ASH2L: variants seen among roughly 807,000 people sequenced by gnomAD.
ASH2L encodes ASH2 like, histone lysine methyltransferase complex subunit.
Under a neutral mutation model 81.1 loss-of-function variants are expected in ASH2L, and 30 were observed. The observed-to-expected ratio is 0.37, with a 90% CI of 0.28 to 0.50. The LOEUF (loss-of-function observed/expected upper bound fraction) is 0.50, where lower values mean the gene tolerates loss of function less well. Among genes scored for constraint, ASH2L ranks in the 20% least tolerant of loss-of-function variants. The pLI, the probability that ASH2L is intolerant of heterozygous loss-of-function variation, is 0.95. For synonymous variants in ASH2L, 273 were observed against 279.9 expected (o/e 0.98, Z 0.24); for missense variants, 559 against 792.1 (o/e 0.71, Z 3.53).
chr8:38,134,126 T>C (rs916408071), intron 13 of ASH2L, among the ~76,000 whole-genome samples: 2 of 152,104 alleles, frequency 1.3e-5, no homozygotes, highest in South Asian at 2.1e-4. Context: ...GAAGGCAGCA[T>C]GCTCGTTAAG....
rs1218806442 is a variant in ASH2L, at chr8:38,134,672, A to G, written c.1621-996A>G. Among the ~76,000 whole-genome samples, 7 of 152,352 alleles carry G rather than the reference A, an allele frequency of 4.6e-5. No homozygotes were observed. The East Asian group carries it at 1.4e-3, about 29-fold the overall frequency. On this transcript the variant is annotated intron_variant, in intron 13 of 15. Coordinates refer to ENST00000343823, the MANE Select transcript of ASH2L (RefSeq NM_004674.5). ...AAGCTGGAAACATTTTTTTCATAAA[A>G]ATGCTAATGCTGTGAGGCCACCCAG...
At chr8:38,127,421 A>G (rs1363733921) in intron 10 of ASH2L, among the ~76,000 whole-genome samples, 1 of 152,124 alleles carries the variant, frequency 6.6e-6, no homozygotes, top group Non-Finnish European at 1.5e-5. Flanking sequence ...GGGAATATGC[A>G]ATATAATTAA....
chr8:38,133,571 A>T lies in ASH2L; in HGVS notation c.1620+25A>T, dbSNP rs767279855. 2.6e-5 allele frequency: 39 copies of T among 1,527,258 alleles called. No individual in the cohort carries two copies. In the South Asian group the frequency reaches 4.5e-4, roughly 18 times the overall value. 94.6% of individuals were successfully genotyped at this position (1,527,258 alleles called of 1,614,324 possible). A position where few individuals can be genotyped will look rare whatever the true frequency, so the allele number is the denominator to read the frequency against. On this transcript the variant is annotated intron_variant, in intron 13 of 15. Transcript: ENST00000343823. ...GGTGAGTCATGGCCATAAGAACATT[A>T]GAATCATAAGGCCTTGAGCGTTAGG... is the stretch of plus-strand genomic sequence containing the variant.
At chr8:38,114,690 G>A in intron 6 of ASH2L, 1 of 521,434 alleles carries the variant, frequency 1.9e-6, no homozygotes, top group South Asian at 2.9e-5. Context: ...GAAATAGAAG[G>A]ATAGGTGAGG....
At chr8:38,106,915 G>A (rs776909484) in intron 2 of ASH2L, 106 bp from the exon 3 acceptor site, 23 of 1,401,142 alleles carry the variant, frequency 1.6e-5, no homozygotes, top group Non-Finnish European at 2.2e-5. Context: ...AGGATCACTT[G>A]AGACCAGCCT....
intron 10 of ASH2L, among the ~76,000 whole-genome samples, chr8:38,122,121 G>A (rs1222899900): frequency 6.6e-6 from 1 of 152,040 alleles, no homozygotes; most frequent in African/African-American, 2.4e-5. Context: ...CTTTATTTCA[G>A]GGAGTATAAT....
chr8:38,131,224 C>T (rs1802047908), intron 12 of ASH2L, among the ~76,000 whole-genome samples: 2 of 152,094 alleles, frequency 1.3e-5, no homozygotes, highest in African/African-American at 2.4e-5. Context: ...TCCTGCCTCC[C>T]GGAACTCTTT....
Position 38,120,929 on chromosome 8 carries a change from C to T in ASH2L, c.948-3C>T. 1 of 1,612,398 alleles carries T rather than the reference C, an allele frequency of 6.2e-7. No homozygotes were observed. Among genetic ancestry groups the T allele is most frequent in the Non-Finnish European group, 8.5e-7 (1 of 1,179,238 alleles). On this transcript the variant is annotated splice_region_variant and splice_polypyrimidine_tract_variant and intron_variant, in intron 9 of 15. Transcript: ENST00000343823. ...TTTTGATGTTATTTTTTCCTTTCTG[C>T]AGTGACCCTTTGTTTTCTGCTCAGC...
chr8:38,132,268 G>A (rs930984854), intron 12 of ASH2L, among the ~76,000 whole-genome samples: 1 of 152,200 alleles, frequency 6.6e-6, no homozygotes, highest in African/African-American at 2.4e-5. Context: ...TAGAAAGAGA[G>A]ACTCTCGTTT....
intron 14 of ASH2L, 115 bp from the exon 15 acceptor site, chr8:38,138,701 T>A (rs1441176821): frequency 4.9e-6 from 4 of 811,660 alleles, no homozygotes; most frequent in Non-Finnish European, 8.2e-6. Flanking sequence ...ATTTGTTCCA[T>A]TTATCCCCCG....
At chr8:38,133,206 T>G (rs574695446) in intron 12 of ASH2L, among the ~76,000 whole-genome samples, 1 of 152,274 alleles carries the variant, frequency 6.6e-6, no homozygotes, top group Admixed American at 6.5e-5. Context: ...GTGGTAAGCA[T>G]GTATGTATTA....
Position 38,114,291 on chromosome 8 carries a change from A to G in ASH2L, c.681+4A>G. The G allele has an allele frequency of 6.4e-7, 1 of 1,566,620 alleles. No homozygotes were observed. The highest frequency in any genetic ancestry group is 8.7e-7 in the Non-Finnish European group (1 of 1,148,420). On this transcript the variant is annotated splice_donor_region_variant and intron_variant, in intron 6 of 15. Coordinates refer to ENST00000343823, the MANE Select transcript of ASH2L (RefSeq NM_004674.5). ...AAATAACATTGTTAAAACAATGGTA[A>G]GTAGATTAAAATTGATTAGACTTGA... is the stretch of plus-strand genomic sequence containing the variant.
rs775357065 is a variant in ASH2L, at chr8:38,119,295, A to G, written c.879A>G (p.Gly293=). The G allele has an allele frequency of 6.5e-7, 1 of 1,549,856 alleles. No individual in the cohort carries two copies. The highest frequency in any genetic ancestry group is 1.2e-5 in the South Asian group (1 of 83,810). The change falls in exon 9 of 16, where the codon GGA becomes GGG. Residue 293 remains glycine (G), a synonymous_variant. Transcript: ENST00000343823. The part of the protein sequence containing the change: ...LNGGIAAGSS[G]KGRGAKRKQQ... ...GGGGAATTGCAGCAGGAAGCAGCGGAAAAGGACGAGGAGCCAAGCGCAAAC... is the reference window on the plus strand; with the variant it reads ...GGGGAATTGCAGCAGGAAGCAGCGGGAAAGGACGAGGAGCCAAGCGCAAAC...
chr8:38,129,669 A>G (rs1197304650), intron 12 of ASH2L, among the ~76,000 whole-genome samples: 4 of 152,184 alleles, frequency 2.6e-5, no homozygotes, highest in Admixed American at 2.6e-4. Context: ...CATAGAGGCA[A>G]CCACTGTTTT....
At chr8:38,138,296 A>T (rs1298170807) in intron 14 of ASH2L, 4 of 153,814 alleles carry the variant, frequency 2.6e-5, no homozygotes, top group African/African-American at 9.7e-5. Flanking sequence ...AATAAAAAGT[A>T]AAATAAAGGG....
rs539977087 is a variant in ASH2L at position 38,114,469 on chromosome 8, A to G, written c.681+182A>G. Among the ~76,000 whole-genome samples, 3 of 152,318 alleles carry G rather than the reference A, an allele frequency of 2.0e-5. No homozygotes were observed. The East Asian group carries it at 5.8e-4, about 29-fold the overall frequency. ...TTCACACACAGAATCAGTGAGATGC[A>G]TATTGTCTTATATGAACATTGCCCG... On this transcript the variant is annotated intron_variant, in intron 6 of 15. Coordinates refer to ENST00000343823, the MANE Select transcript of ASH2L (RefSeq NM_004674.5).
chr8:38,118,634 C>G (rs1811005396), intron 8 of ASH2L, among the ~76,000 whole-genome samples: 2 of 152,148 alleles, frequency 1.3e-5, no homozygotes, highest in African/African-American at 2.4e-5. Context: ...AAATCGAAAG[C>G]CTTCTTTCTT....
chr8:38,106,287 GT>G, intron 1 of ASH2L, 90 bp from the exon 2 acceptor site: 2 of 1,392,434 alleles, frequency 1.4e-6, no homozygotes, highest in Non-Finnish European at 2.0e-6. Context: ...GGAGTATGAA[GT>G]TCGGCTGTAA....
rs140501294 is a variant in ASH2L, at chr8:38,135,765, C to T, written c.1718C>T (p.Thr573Met). The T allele has an allele frequency of 2.8e-5, 45 of 1,605,594 alleles. No homozygotes were observed. Among genetic ancestry groups the T allele is most frequent in the Non-Finnish European group, 3.3e-5 (39 of 1,175,864 alleles). The change falls in exon 14 of 16, where the codon ACG becomes ATG. Residue 573 changes from threonine to methionine, a missense_variant and splice_region_variant. Around this residue, in one of 4 missense-constraint regions of ASH2L, gnomAD observed 95 missense variants for 130.7 expected, o/e 0.73. Transcript: ENST00000343823. ...GCCATCTCACTGTACAAGAGCTGCA[C>T]GGTACGTACATGTTTCCATCCCATG... ...FPAISLYKSC[T>M]VSINFGPCFK...
Sources: allele counts gnomAD v4.1 joint callset (sites outside exome capture counted in the v4.1 genomes callset), GRCh38; gene constraint gnomAD v4.1.1; regional missense constraint gnomAD v4.1.1; transcripts MANE v1.5; gene names NCBI Gene and HGNC (gene_info 2026-07-23, HGNC 2026-07-21).